LDHAL6A: variants seen among roughly 807,000 people sequenced by gnomAD.
The protein encoded by LDHAL6A is lactate dehydrogenase A like 6A.
LDHAL6A carries 19 observed loss-of-function variants against 28.2 expected under a neutral mutation model. The observed-to-expected ratio is 0.67, with a 90% CI of 0.47 to 0.99. LDHAL6A has a LOEUF of 0.99. Among genes scored for constraint, LDHAL6A ranks in the 50% least tolerant of loss-of-function variants. LDHAL6A has a pLI of 0.00. For missense variants in LDHAL6A, 372 were observed against 398.6 expected, an observed-to-expected ratio of 0.93 and a Z score of 0.57; for synonymous variants, 144 against 134.4, an observed-to-expected ratio of 1.07 and a Z score of -0.49.
At chr11:18,471,210 GTTT>G (rs71313425) in intron 3 of LDHAL6A, among the ~76,000 whole-genome samples, 5 of 138,862 alleles carry the variant, frequency 3.6e-5, no homozygotes, top group South Asian at 2.3e-4. Context: ...AACTTTAGAA[GTTT>G]TTTTTTTTTT....
chr11:18,461,926 G>A (rs915229640), intron 1 of LDHAL6A, among the ~76,000 whole-genome samples: 4 of 151,106 alleles, frequency 2.6e-5, no homozygotes, highest in African/African-American at 7.3e-5. Context: ...TGAGGCAGGC[G>A]GATCACTTGA....
rs1330445354 is a variant in LDHAL6A, at chr11:18,456,672, G to A, written c.-9G>A. The stretch of plus-strand genomic sequence containing the variant: ...CTGTGCAATTTGTCTTCACTGTTAG[G>A]TTTCCAAGATGGCAACTATCAAGAG... On this transcript the variant is annotated 5_prime_UTR_variant, in exon 1 of 7. Transcript: ENST00000280706. 4.3e-6 allele frequency: 7 copies of A among 1,613,164 alleles called. No homozygotes were observed. Among genetic ancestry groups the A allele is most frequent in the Non-Finnish European group, 5.9e-6 (7 of 1,179,744 alleles).
rs1290522526 is a variant in LDHAL6A, at chr11:18,468,006, TATATATAC to T, written c.418+2204_418+2211del. Among the ~76,000 whole-genome samples, 43 of 70,624 alleles carry T rather than the reference TATATATAC, an allele frequency of 6.1e-4. 3 individuals are homozygous for T. The highest frequency in any genetic ancestry group is 1.9e-3 in the South Asian group (3 of 1,612). The allele number at this position is 70,624 out of a possible 152,430, so 46.3% of individuals were successfully genotyped here. ...GTATATATATGCATATATATACGTA[TATATATAC>T]ATATATATACGTATATATATATACA... is the stretch of plus-strand genomic sequence containing the variant. On this transcript the variant is annotated intron_variant, in intron 3 of 6. Coordinates refer to ENST00000280706, the MANE Select transcript of LDHAL6A (RefSeq NM_144972.5).
intron 3 of LDHAL6A, among the ~76,000 whole-genome samples, chr11:18,472,118 G>A (rs1177396202): frequency 6.6e-6 from 1 of 152,138 alleles, no homozygotes; most frequent in Non-Finnish European, 1.5e-5. Flanking sequence ...TCTGTTTTCA[G>A]TTTACCAATT....
chr11:18,466,459 C>T (rs1379002056), intron 3 of LDHAL6A, among the ~76,000 whole-genome samples: 1 of 151,814 alleles, frequency 6.6e-6, no homozygotes, highest in Non-Finnish European at 1.5e-5. Context: ...TTGAGAATGG[C>T]CTGGGCAACA....
chr11:18,467,926 C>CACATATATATATATATATACACACAT lies in LDHAL6A; in HGVS notation c.418+2117_418+2118insCATATATATATATATATACACACATA, dbSNP rs1362184550. ...ATATATATATATATATATACACACA[C>CACATATATATATATATATACACACAT]ATATATATATACACACACATATATA... On this transcript the variant is annotated intron_variant, in intron 3 of 6. Transcript: ENST00000280706. Among the ~76,000 whole-genome samples the CACATATATATATATATATACACACAT allele has an allele frequency of 9.6e-4, 53 of 55,416 alleles. 3 individuals carry two copies. The highest frequency in any genetic ancestry group is 4.8e-3 in the African/African-American group (50 of 10,370). 36.4% of individuals were successfully genotyped at this position (55,416 alleles called of 152,430 possible).
At chr11:18,466,333 T>C (rs1849073356) in intron 3 of LDHAL6A, among the ~76,000 whole-genome samples, 2 of 152,094 alleles carry the variant, frequency 1.3e-5, no homozygotes, top group South Asian at 4.1e-4. Context: ...TGGTAATCAG[T>C]GTATATACTA....
At chr11:18,476,755 AT>A (rs1225068843) in intron 5 of LDHAL6A, 1 of 270,984 alleles carries the variant, frequency 3.7e-6, no homozygotes, top group East Asian at 1.7e-4. Flanking sequence ...CTGACAATGT[AT>A]TTTTTCAAAC....
At chr11:18,464,136 A>G in intron 2 of LDHAL6A, 58 bp downstream of exon 2, 2 of 1,196,584 alleles carry the variant, frequency 1.7e-6, no homozygotes, top group Non-Finnish European at 1.2e-6. Context: ...AGTATCTAAG[A>G]AAATCATCTT....
At position 18,467,878 on chromosome 11, in the gene LDHAL6A, C is replaced by CAT. The variant is rs1341771007; in HGVS notation, c.418+2069_418+2070insTA. Reference sequence around the variant, plus strand: ...CTCAAAAAAAATATATATATATACACACATATATATATATATATATATATA... The same window carrying CAT: ...CTCAAAAAAAATATATATATATACACATACATATATATATATATATATATATA... On this transcript the variant is annotated intron_variant, in intron 3 of 6. Coordinates refer to ENST00000280706, the MANE Select transcript of LDHAL6A (RefSeq NM_144972.5). Among the ~76,000 whole-genome samples the CAT allele has an allele frequency of 5.1e-3, 186 of 36,282 alleles. 6 individuals are homozygous for CAT. The highest frequency in any genetic ancestry group is 0.017 in the African/African-American group (138 of 8,246). 23.8% of individuals were successfully genotyped at this position (36,282 alleles called of 152,430 possible).
intron 2 of LDHAL6A, among the ~76,000 whole-genome samples, chr11:18,464,977 G>GTGTTTTTTTTTTTTTTTTTTTTTTTT: frequency 8.0e-6 from 1 of 125,566 alleles, no homozygotes; most frequent in African/African-American, 3.4e-5. Context: ...TGTTTTTTTT[G>GTGTTTTTTTTTTTTTTTTTTTTTTTT]TTTTTTTTTG....
intron 1 of LDHAL6A, among the ~76,000 whole-genome samples, chr11:18,462,401 GCAGAGGCGGGCGGAT>G (rs1848937672): frequency 6.6e-6 from 1 of 151,900 alleles, no homozygotes. Flanking sequence ...ACTTTGGGAG[GCAGAGGCGGGCGGAT>G]CACTAGGTCA....
intron 1 of LDHAL6A, 24 bp from the exon 2 acceptor site, chr11:18,463,937 C>T (rs2133868639): frequency 3.5e-6 from 5 of 1,439,208 alleles, no homozygotes; most frequent in Non-Finnish European, 3.9e-6. Context: ...CACTCACACC[C>T]ATTGGACTAA....
At chr11:18,473,643 CA>C (rs1244541116) in intron 3 of LDHAL6A, among the ~76,000 whole-genome samples, 2 of 152,148 alleles carry the variant, frequency 1.3e-5, no homozygotes, top group African/African-American at 4.8e-5. Context: ...GTGATCCTCC[CA>C]CCTCAGCCTC....
intron 2 of LDHAL6A, among the ~76,000 whole-genome samples, chr11:18,465,408 C>T (rs1282049861): frequency 6.7e-6 from 1 of 148,842 alleles, no homozygotes; most frequent in Non-Finnish European, 1.5e-5. Context: ...CAGGGGTGAG[C>T]CACTGCACAT....
rs1849451846 is a variant in LDHAL6A, at chr11:18,478,567, A to G, written c.835-139A>G. 3 of 651,706 alleles carry G rather than the reference A, an allele frequency of 4.6e-6. No individual in the cohort carries two copies. The Admixed American group carries it at 9.7e-5, about 21-fold the overall frequency. 40.4% of individuals were successfully genotyped at this position (651,706 alleles called of 1,614,324 possible). A position where few individuals can be genotyped will look rare whatever the true frequency, so the allele number is the denominator to read the frequency against. On this transcript the variant is annotated intron_variant, in intron 6 of 6. Coordinates refer to ENST00000280706, the MANE Select transcript of LDHAL6A (RefSeq NM_144972.5). Reference sequence around the variant, plus strand: ...AGAGCAAGAGTCCGTCTCAAAAAAAAAAGAAAAAAGTTCTCTGCCTTGGTA... The same window carrying G: ...AGAGCAAGAGTCCGTCTCAAAAAAAGAAGAAAAAAGTTCTCTGCCTTGGTA...
intron 3 of LDHAL6A, chr11:18,469,354 T>G (rs1849202038): frequency 2.4e-6 from 1 of 420,022 alleles, no homozygotes; most frequent in Non-Finnish European, 4.2e-6. Context: ...GAAAAACAAA[T>G]TAAGCATCAC....
chr11:18,476,504 A>AAT lies in LDHAL6A; in HGVS notation c.710+6_710+7dup. The AAT allele has an allele frequency of 6.2e-7, 1 of 1,613,320 alleles. No individual in the cohort carries two copies. The highest frequency in any genetic ancestry group is 8.5e-7 in the Non-Finnish European group (1 of 1,179,638). ...GTCCACAAAAAAGTGATTTCCAGGT[A>AAT]ATATGCTAGTTTCACATTTTCAGTA... On this transcript the variant is annotated splice_donor_region_variant and intron_variant, in intron 5 of 6. Coordinates refer to ENST00000280706, the MANE Select transcript of LDHAL6A (RefSeq NM_144972.5).
chr11:18,467,906 T>TATATATATACAC (rs1565070905), intron 3 of LDHAL6A, among the ~76,000 whole-genome samples: 6 of 71,426 alleles, frequency 8.4e-5, no homozygotes, highest in Admixed American at 1.7e-4. Context: ...TATATATATA[T>TATATATATACAC]ATATATATAT....
Sources: allele counts gnomAD v4.1 joint callset (sites outside exome capture counted in the v4.1 genomes callset), GRCh38; gene constraint gnomAD v4.1.1; transcripts MANE v1.5; gene names NCBI Gene and HGNC (gene_info 2026-07-23, HGNC 2026-07-21).